Variants in COBLL1 observed in about 807,000 individuals in gnomAD.
The protein encoded by COBLL1 is cordon-bleu WH2 repeat protein like 1.
COBLL1 carries 50 observed loss-of-function variants against 94.8 expected under a neutral mutation model. That is an observed-to-expected ratio of 0.53 (90% confidence interval 0.42 to 0.67). The LOEUF (loss-of-function observed/expected upper bound fraction) is 0.67. Among genes scored for constraint, COBLL1 ranks in the 30% least tolerant of loss-of-function variants. The pLI, the probability that COBLL1 is intolerant of heterozygous loss-of-function variation, is 0.00. For missense variants in COBLL1, 1,362 were observed against 1,348.7 expected (o/e 1.01, Z -0.15); for synonymous variants, 448 against 473.8 (o/e 0.95, Z 0.71).
At chr2:164,812,780 C>A (rs943353605) in intron 2 of COBLL1, among the ~76,000 whole-genome samples, 1 of 151,992 alleles carries the variant, frequency 6.6e-6, no homozygotes, top group East Asian at 1.9e-4. Flanking sequence ...AAAATTATAA[C>A]CCTGATTTTA....
At chr2:164,678,671 A>G (rs1682907435), downstream of COBLL1, among the ~76,000 whole-genome samples, 1 of 152,196 alleles carries the variant, frequency 6.6e-6, no homozygotes, top group Non-Finnish European at 1.5e-5. Context: ...TGAAGATAAT[A>G]TTTAAATTCA....
intron 10 of COBLL1, among the ~76,000 whole-genome samples, chr2:164,700,120 A>G (rs995358974): frequency 6.6e-6 from 1 of 152,142 alleles, no homozygotes; most frequent in Non-Finnish European, 1.5e-5. Flanking sequence ...AATACTCGTG[A>G]TTTAACATCA....
intron 2 of COBLL1, among the ~76,000 whole-genome samples, chr2:164,794,728 C>T (rs964419332): frequency 3.5e-5 from 5 of 144,550 alleles, no homozygotes; most frequent in African/African-American, 1.3e-4. Context: ...TACTTGAATT[C>T]CCCAGGAATC....
chr2:164,702,577 A>T (rs868316830), intron 9 of COBLL1, among the ~76,000 whole-genome samples: 3 of 135,520 alleles, frequency 2.2e-5, no homozygotes, highest in Admixed American at 7.5e-5. Flanking sequence ...AAAAAAAAAA[A>T]TAATAATAAT....
At chr2:164,691,925 C>G (rs1445313240) in intron 13 of COBLL1, among the ~76,000 whole-genome samples, 2 of 152,086 alleles carry the variant, frequency 1.3e-5, no homozygotes, top group Non-Finnish European at 2.9e-5. Flanking sequence ...AAGAGTCTTT[C>G]TCGAGGTGCT....
chr2:164,732,740 C>A (rs1327959220), intron 3 of COBLL1, among the ~76,000 whole-genome samples: 1 of 152,140 alleles, frequency 6.6e-6, no homozygotes. Flanking sequence ...TTTTTTGAAT[C>A]TTTGCCAGAA....
At chr2:164,837,354 A>G in intron 2 of COBLL1, 1 of 361,842 alleles carries the variant, frequency 2.8e-6, no homozygotes, top group South Asian at 2.2e-5. Flanking sequence ...GATTAATGTC[A>G]CTTTACTAAG....
At chr2:164,703,075 C>G in intron 9 of COBLL1, 1 of 1,341,608 alleles carries the variant, frequency 7.5e-7, no homozygotes, top group Non-Finnish European at 1.1e-6. Flanking sequence ...TGACACAAAG[C>G]ACCAGCCAGG....
Position 164,791,887 on chromosome 2 carries a change from T to A in COBLL1, c.42-48012A>T, listed in dbSNP as rs73968261. ...TGGTTTTTGTTGCTTTTTTTTTTTT[T>A]AAAAAAAGCAGCCGGCTTTTCCTGT... On this transcript the variant is annotated intron_variant, in intron 2 of 13. Transcript: ENST00000652658. Among the ~76,000 whole-genome samples the A allele has an allele frequency of 4.5e-3, 672 of 150,666 alleles. 3 individuals are homozygous for A. The highest frequency in any genetic ancestry group is 0.016 in the East Asian group (83 of 5,142).
chr2:164,818,627 G>C (rs9678402), intron 2 of COBLL1, among the ~76,000 whole-genome samples: 1 of 140,710 alleles, frequency 7.1e-6, no homozygotes, highest in Non-Finnish European at 1.5e-5. Context: ...ACACATATAT[G>C]GCGTATATGT....
At chr2:164,801,603 G>A (rs1003027948) in intron 2 of COBLL1, among the ~76,000 whole-genome samples, 5 of 152,002 alleles carry the variant, frequency 3.3e-5, no homozygotes, top group Non-Finnish European at 7.4e-5. Flanking sequence ...GAGAGAAAGA[G>A]CAAGAGCCTA....
intron 2 of COBLL1, among the ~76,000 whole-genome samples, chr2:164,833,594 G>C (rs1355139608): frequency 2.0e-5 from 3 of 151,968 alleles, no homozygotes; most frequent in African/African-American, 7.2e-5. Context: ...GGGATTACAG[G>C]CGCCCGCCAC....
chr2:164,814,867 C>T (rs886324603), intron 2 of COBLL1, among the ~76,000 whole-genome samples: 1 of 152,142 alleles, frequency 6.6e-6, no homozygotes, highest in Admixed American at 6.5e-5. Flanking sequence ...TCTTAATTAC[C>T]TGTCATCTAA....
At chr2:164,839,980 TA>T (rs1683510370) in intron 2 of COBLL1, among the ~76,000 whole-genome samples, 1 of 152,228 alleles carries the variant, frequency 6.6e-6, no homozygotes, top group South Asian at 2.1e-4. Context: ...AAAATTATAC[TA>T]AATATCTTTT....
At chr2:164,767,531 T>C (rs374356154) in intron 2 of COBLL1, among the ~76,000 whole-genome samples, 36,112 of 151,970 alleles carry the variant, frequency 0.24, 5,018 homozygotes, top group African/African-American at 0.38. Flanking sequence ...CTTTATTTTT[T>C]AAATGTACCC....
upstream of COBLL1, chr2:164,841,992 G>A: frequency 6.5e-7 from 1 of 1,539,894 alleles, no homozygotes; most frequent in Non-Finnish European, 8.7e-7. This position sits in a 1 kb window ranked among gnomAD's most constrained non-coding sequence, Gnocchi z 5.5. Context: ...CCGGGAGCTC[G>A]CCGCCGCCTC....
Position 164,728,122 on chromosome 2 carries a change from G to C in COBLL1, c.508C>G (p.Gln170Glu). The C allele has an allele frequency of 6.2e-7, 1 of 1,613,666 alleles. No homozygotes were observed. ...IVRVSPHASL[Q>E]ELAPIICSKC... ...CTACATATAATAGGGGCAAGCTCTT[G>C]AAGCGATGCATGTGGACTCACTCTC... is the stretch of plus-strand genomic sequence containing the variant. Residue 170 changes from glutamine (Q) to glutamate (E), a missense_variant, in exon 5 of 14, where the codon CAA (glutamine) becomes GAA (glutamate). By Grantham distance (29) the Gln-to-Glu change is conservative (BLOSUM62 2). Transcript: ENST00000652658.
chr2:164,841,983 CG>C, upstream of COBLL1: 1 of 1,539,902 alleles, frequency 6.5e-7, no homozygotes, highest in Non-Finnish European at 8.7e-7. The surrounding 1 kb of genome is among the most constrained non-coding windows in gnomAD (Gnocchi z 5.5). Context: ...GCCCGGAGTC[CG>C]GGAGCTCGCC....
At chr2:164,687,208 T>C (rs1683339802) in intron 13 of COBLL1, 1 of 444,414 alleles carries the variant, frequency 2.3e-6, no homozygotes. Flanking sequence ...GTAATGACTT[T>C]CTTTCTTTTT....
Sources: gnomAD v4.1 joint callset for allele counts (sites outside exome capture counted in the v4.1 genomes callset) on GRCh38, gnomAD v4.1.1 for gene constraint, Gnocchi (gnomAD v3.1) non-coding constraint, MANE v1.5 for transcripts, NCBI Gene and HGNC (gene_info 2026-07-23, HGNC 2026-07-21) for gene names.